GALNTL6: variants seen among roughly 807,000 people sequenced by gnomAD.
GALNTL6 encodes the protein polypeptide N-acetylgalactosaminyltransferase like 6.
In GALNTL6, 46 loss-of-function variants were observed where a neutral mutation model predicts 73.7. The observed-to-expected ratio is 0.62, with a 90% CI of 0.49 to 0.80. The LOEUF (loss-of-function observed/expected upper bound fraction) is 0.80, where lower values mean the gene tolerates loss of function less well. GALNTL6 is among the 30% of genes least tolerant of loss of function. The pLI is 0.00. For synonymous variants in GALNTL6, 259 were observed against 263.7 expected (o/e 0.98, Z 0.17); for missense variants, 604 against 755.0 (o/e 0.80, Z 2.34).
At chr4:171,949,793 T>C (rs975528532) in intron 2 of GALNTL6, among the ~76,000 whole-genome samples, 2 of 152,174 alleles carry the variant, frequency 1.3e-5, no homozygotes, top group Admixed American at 6.5e-5. Context: ...ATAGAAATTT[T>C]ATATAAAATG....
chr4:171,946,548 G>A (rs1578996325), intron 2 of GALNTL6, among the ~76,000 whole-genome samples: 1 of 152,186 alleles, frequency 6.6e-6, no homozygotes, highest in Non-Finnish European at 1.5e-5. Context: ...TAGGCATTCA[G>A]TAAGCCTCAT....
chr4:172,718,282 T>C (rs183703556), intron 5 of GALNTL6, among the ~76,000 whole-genome samples: 7 of 152,292 alleles, frequency 4.6e-5, no homozygotes, highest in Admixed American at 1.3e-4. Flanking sequence ...TCATGTCATA[T>C]CATAATTTCA....
chr4:172,379,598 A>G (rs1743195188), intron 5 of GALNTL6, among the ~76,000 whole-genome samples: 1 of 150,742 alleles, frequency 6.6e-6, no homozygotes, highest in African/African-American at 2.4e-5. Context: ...TTAGATCACC[A>G]AAAAAAGGTG....
intron 2 of GALNTL6, among the ~76,000 whole-genome samples, chr4:172,086,948 C>T (rs1224739640): frequency 2.0e-5 from 3 of 152,074 alleles, no homozygotes; most frequent in Admixed American, 2.0e-4. Flanking sequence ...ACCAATATTG[C>T]TTGACATCCT....
chr4:172,471,077 T>C (rs1276461049), intron 5 of GALNTL6, among the ~76,000 whole-genome samples: 3 of 152,112 alleles, frequency 2.0e-5, no homozygotes, highest in Non-Finnish European at 4.4e-5. Flanking sequence ...TCTCCCAGGG[T>C]CTTAACTCCA....
chr4:172,586,100 G>C (rs971627958), intron 5 of GALNTL6, among the ~76,000 whole-genome samples: 3 of 152,160 alleles, frequency 2.0e-5, no homozygotes, highest in Non-Finnish European at 4.4e-5. Context: ...AGACAGTGCC[G>C]TGATTCCTTA....
intron 5 of GALNTL6, chr4:172,379,889 C>A: frequency 2.0e-6 from 1 of 506,290 alleles, no homozygotes. Flanking sequence ...TGCTAATGTG[C>A]ATTTAATCAC....
intron 2 of GALNTL6, chr4:171,815,190 A>C (rs975984960): frequency 3.0e-5 from 5 of 169,274 alleles, no homozygotes; most frequent in African/African-American, 1.2e-4. Flanking sequence ...TTTGGTTGTA[A>C]ATTTTGCTTA....
intron 5 of GALNTL6, among the ~76,000 whole-genome samples, chr4:172,481,459 C>A (rs770424243): frequency 7.3e-5 from 11 of 151,052 alleles, no homozygotes; most frequent in Non-Finnish European, 1.3e-4. Context: ...TGCTTTTAGT[C>A]CCTTATCTGA....
intron 2 of GALNTL6, among the ~76,000 whole-genome samples, chr4:171,950,705 C>G (rs1738852355): frequency 6.6e-6 from 1 of 151,968 alleles, no homozygotes; most frequent in South Asian, 2.1e-4. Flanking sequence ...GTCTCGATCC[C>G]CTGACCTTGT....
chr4:171,914,379 T>TTAAA (rs1737555858), intron 2 of GALNTL6, among the ~76,000 whole-genome samples: 1 of 151,896 alleles, frequency 6.6e-6, no homozygotes, highest in Non-Finnish European at 1.5e-5. Context: ...CATTTACAGG[T>TTAAA]TAAAATGTAA....
intron 5 of GALNTL6, among the ~76,000 whole-genome samples, chr4:172,647,974 G>A (rs1403228367): frequency 2.6e-5 from 4 of 152,144 alleles, no homozygotes; most frequent in Non-Finnish European, 5.9e-5. Flanking sequence ...TAACAAGGCT[G>A]AGTTTGTTGC....
chr4:171,831,718 G>A (rs1389143956), intron 2 of GALNTL6, among the ~76,000 whole-genome samples: 2 of 151,568 alleles, frequency 1.3e-5, no homozygotes, highest in Non-Finnish European at 3.0e-5. Flanking sequence ...CCAGCTCAAA[G>A]GCATTCATTA....
chr4:172,253,395 G>C (rs939787118), intron 3 of GALNTL6, among the ~76,000 whole-genome samples: 2 of 151,856 alleles, frequency 1.3e-5, no homozygotes, highest in African/African-American at 4.8e-5. Context: ...ATGGATTGTC[G>C]TAAGAATGTC....
chr4:171,953,131 A>T lies in GALNTL6; in HGVS notation c.138+138413A>T, dbSNP rs1738932537. Among the ~76,000 whole-genome samples the T allele has an allele frequency of 2.0e-5, 3 of 152,296 alleles. No individual in the cohort carries two copies. The South Asian group carries it at 6.2e-4, about 32-fold the overall frequency. ...AGGCAATGAAAAAAAGGGCTAAAAA[A>T]TTATGGATAGTGAAACAGCATAGTC... On this transcript the variant is annotated intron_variant, in intron 2 of 12. Coordinates refer to ENST00000506823, the MANE Select transcript of GALNTL6 (RefSeq NM_001034845.3).
At chr4:171,952,056 C>A (rs1028730103) in intron 2 of GALNTL6, among the ~76,000 whole-genome samples, 5 of 151,904 alleles carry the variant, frequency 3.3e-5, no homozygotes, top group African/African-American at 1.2e-4. Flanking sequence ...AAAAACCATT[C>A]TTTGAAATAA....
chr4:172,878,115 A>G (rs2111181041), intron 7 of GALNTL6, among the ~76,000 whole-genome samples: 1 of 152,072 alleles, frequency 6.6e-6, no homozygotes, highest in Non-Finnish European at 1.5e-5. Context: ...CATTTCCTCT[A>G]ATGAAAAAAC....
Position 172,450,388 on chromosome 4 carries a change from C to T in GALNTL6, c.553+101699C>T, listed in dbSNP as rs564503569. 7.2e-5 allele frequency among the ~76,000 whole-genome samples: 11 copies of T among 151,964 alleles called. No individual in the cohort carries two copies. The South Asian group carries it at 2.3e-3, about 32-fold the overall frequency. ...CCACTCTATGTGGTCTATCAACAAG[C>T]CCCTTCATTTGCCATCATCTCCACT... is the stretch of plus-strand genomic sequence containing the variant. On this transcript the variant is annotated intron_variant, in intron 5 of 12. Transcript: ENST00000506823.
intron 9 of GALNTL6, among the ~76,000 whole-genome samples, chr4:172,946,390 T>C (rs1749167935): frequency 6.6e-6 from 1 of 152,166 alleles, no homozygotes; most frequent in Non-Finnish European, 1.5e-5. Flanking sequence ...ATCTAAAATG[T>C]TGCTGGTAAA....
Sources: gnomAD v4.1 joint callset for allele counts (sites outside exome capture counted in the v4.1 genomes callset) on GRCh38, gnomAD v4.1.1 for gene constraint, MANE v1.5 for transcripts, NCBI Gene and HGNC (gene_info 2026-07-23, HGNC 2026-07-21) for gene names.